Variants in SLC35F4 observed in about 807,000 individuals in gnomAD.
The protein encoded by SLC35F4 is chromosome 14 open reading frame 36.
In SLC35F4, 24 loss-of-function variants were observed where a neutral mutation model predicts 44.2. The observed-to-expected ratio is 0.54, with a 90% confidence interval of 0.39 to 0.76. The LOEUF (loss-of-function observed/expected upper bound fraction) is 0.76. SLC35F4 is among the 30% of genes least tolerant of loss of function. The pLI is 0.00. For missense variants in SLC35F4, 562 were observed against 586.1 expected, an observed-to-expected ratio of 0.96 and a Z score of 0.42; for synonymous variants, 238 against 223.6, an observed-to-expected ratio of 1.06 and a Z score of -0.57.
chr14:57,607,366 T>A (rs2071223812), intron 1 of SLC35F4, among the ~76,000 whole-genome samples: 1 of 152,192 alleles, frequency 6.6e-6, no homozygotes, highest in Non-Finnish European at 1.5e-5. Context: ...TCTGCTGTGA[T>A]TTAAGCCACA....
chr14:57,681,556 G>A (rs2074904404), intron 1 of SLC35F4, among the ~76,000 whole-genome samples: 1 of 152,086 alleles, frequency 6.6e-6, no homozygotes, highest in Non-Finnish European at 1.5e-5. Flanking sequence ...AACTCTAGAA[G>A]AAAACCTAGG....
At chr14:57,685,141 G>T (rs1044727992) in intron 1 of SLC35F4, among the ~76,000 whole-genome samples, 1 of 152,158 alleles carries the variant, frequency 6.6e-6, no homozygotes, top group Non-Finnish European at 1.5e-5. Flanking sequence ...TGTTATGGGA[G>T]AAGTGGGTTA....
At chr14:57,847,730 A>C (rs1886163608) in intron 1 of SLC35F4, among the ~76,000 whole-genome samples, 1 of 152,218 alleles carries the variant, frequency 6.6e-6, no homozygotes, top group Non-Finnish European at 1.5e-5. Flanking sequence ...CAGATAATGC[A>C]CAATATTATT....
chr14:57,741,212 G>A (rs1003746834), intron 1 of SLC35F4, among the ~76,000 whole-genome samples: 7 of 152,198 alleles, frequency 4.6e-5, no homozygotes, highest in Admixed American at 2.0e-4. Flanking sequence ...CGCCAGCAAC[G>A]GAACAAAGCT....
At chr14:57,803,782 G>C (rs1225263749) in intron 1 of SLC35F4, among the ~76,000 whole-genome samples, 3 of 151,692 alleles carry the variant, frequency 2.0e-5, no homozygotes, top group Non-Finnish European at 4.4e-5. Context: ...TAGTGACAGG[G>C]TTTCACCACA....
intron 1 of SLC35F4, among the ~76,000 whole-genome samples, chr14:57,801,835 A>G (rs1036206919): frequency 6.6e-6 from 1 of 152,216 alleles, no homozygotes; most frequent in Non-Finnish European, 1.5e-5. Context: ...TTCATAAAGC[A>G]AGTTCTTAGA....
In SLC35F4 at chr14:57,781,185, T is replaced by G. The variant is rs138501535; in HGVS notation, c.103+84538A>C. ...CAATGCATCTGACAAAGGTCTAATATCCAGCATCTATTAGGAACTTAAACA... is the reference window on the plus strand; with the variant it reads ...CAATGCATCTGACAAAGGTCTAATAGCCAGCATCTATTAGGAACTTAAACA... On this transcript the variant is annotated intron_variant, in intron 1 of 7. Transcript: ENST00000556826. Among the ~76,000 whole-genome samples the G allele has an allele frequency of 8.7e-3, 1,323 of 152,148 alleles. 5 individuals carry two copies. Among genetic ancestry groups the G allele is most frequent in the Non-Finnish European group, 0.012 (839 of 67,994 alleles).
At chr14:57,948,902 T>G (rs927686426) in intron 1 of SLC35F4, among the ~76,000 whole-genome samples, 1 of 152,204 alleles carries the variant, frequency 6.6e-6, no homozygotes, top group African/African-American at 2.4e-5. Flanking sequence ...GAGAGAATAC[T>G]CGATATGATT....
At chr14:57,738,471 T>C (rs1465376922) in intron 1 of SLC35F4, among the ~76,000 whole-genome samples, 3 of 152,108 alleles carry the variant, frequency 2.0e-5, no homozygotes, top group Non-Finnish European at 2.9e-5. Context: ...ACATGGGTTC[T>C]TGCTGACCTC....
chr14:57,880,769 C>T (rs929787744), intron 1 of SLC35F4, among the ~76,000 whole-genome samples: 4 of 152,126 alleles, frequency 2.6e-5, no homozygotes, highest in Non-Finnish European at 5.9e-5. Context: ...TTTCTCTGTG[C>T]TTCAGATTTT....
intron 1 of SLC35F4, among the ~76,000 whole-genome samples, chr14:57,703,514 G>T (rs1394538040): frequency 6.6e-6 from 1 of 152,180 alleles, no homozygotes; most frequent in African/African-American, 2.4e-5. Flanking sequence ...AATGGTAGTG[G>T]CAACTGCCAA....
At chr14:57,786,783 T>C (rs2077771999) in intron 1 of SLC35F4, among the ~76,000 whole-genome samples, 1 of 152,158 alleles carries the variant, frequency 6.6e-6, no homozygotes, top group African/African-American at 2.4e-5. Context: ...GCCCTAGACC[T>C]TCCCTCTGAC....
At chr14:57,898,491 A>G (rs1039030058) in intron 1 of SLC35F4, among the ~76,000 whole-genome samples, 2 of 152,244 alleles carry the variant, frequency 1.3e-5, no homozygotes, top group African/African-American at 2.4e-5. Context: ...TGATCAGATC[A>G]TTACTTGGAC....
intron 1 of SLC35F4, among the ~76,000 whole-genome samples, chr14:57,788,482 T>A (rs568584255): frequency 1.6e-4 from 25 of 152,286 alleles, no homozygotes; most frequent in Middle Eastern, 3.4e-3. Flanking sequence ...AAACAGTGCA[T>A]GGAACTTTCT....
At chr14:57,771,036 A>C (rs1595014173) in intron 1 of SLC35F4, among the ~76,000 whole-genome samples, 1 of 152,270 alleles carries the variant, frequency 6.6e-6, no homozygotes, top group Middle Eastern at 3.4e-3. Context: ...TTCTCACAGG[A>C]ACTCTGTCTC....
chr14:57,982,469 T>C (rs1372652719), upstream of SLC35F4, among the ~76,000 whole-genome samples: 3 of 151,966 alleles, frequency 2.0e-5, no homozygotes, highest in African/African-American at 7.3e-5. Flanking sequence ...AGCATTGTTG[T>C]GTTGAGGAAG....
chr14:57,755,182 G>C (rs980840959), intron 1 of SLC35F4, among the ~76,000 whole-genome samples: 1 of 152,184 alleles, frequency 6.6e-6, no homozygotes, highest in Non-Finnish European at 1.5e-5. Flanking sequence ...AATCCACCCT[G>C]GACCCACCAC....
At chr14:57,588,952 G>A (rs2139885008) in intron 3 of SLC35F4, among the ~76,000 whole-genome samples, 1 of 152,066 alleles carries the variant, frequency 6.6e-6, no homozygotes, top group South Asian at 2.1e-4. Flanking sequence ...TCTTAAAATG[G>A]GGATAACACC....
At chr14:57,946,523 G>A (rs1160906263) in intron 1 of SLC35F4, among the ~76,000 whole-genome samples, 1 of 128,198 alleles carries the variant, frequency 7.8e-6, no homozygotes, top group Non-Finnish European at 1.6e-5. Flanking sequence ...CACCCAGGTT[G>A]GAGTGCAGTG....
Sources: allele counts gnomAD v4.1 joint callset (sites outside exome capture counted in the v4.1 genomes callset), GRCh38; gene constraint gnomAD v4.1.1; transcripts MANE v1.5; gene names NCBI Gene and HGNC (gene_info 2026-07-23, HGNC 2026-07-21).